Variants in TESPA1 observed in about 807,000 individuals in gnomAD.
The protein encoded by TESPA1 is thymocyte expressed, positive selection associated 1, also known as protein TESPA1.
In TESPA1, 33 loss-of-function variants were observed where a neutral mutation model predicts 57.9. The observed-to-expected ratio is 0.57, with a 90% CI of 0.43 to 0.76. TESPA1 has a LOEUF of 0.76. Among genes scored for constraint, TESPA1 ranks in the 30% least tolerant of loss-of-function variants. TESPA1 has a pLI of 0.00. For synonymous variants in TESPA1, 227 were observed against 228.9 expected (o/e 0.99, Z 0.07); for missense variants, 618 against 632.9 (o/e 0.98, Z 0.25).
intron 3 of TESPA1, 148 bp from the exon 4 acceptor site, chr12:54,968,040 G>C: frequency 2.0e-6 from 3 of 1,524,322 alleles, no homozygotes; most frequent in Non-Finnish European, 2.6e-6. Context: ...AACAAAGACA[G>C]AGTGGTTACT....
intron 10 of TESPA1, among the ~76,000 whole-genome samples, chr12:54,955,972 T>C (rs1401868919): frequency 6.6e-6 from 1 of 152,126 alleles, no homozygotes; most frequent in East Asian, 1.9e-4. Context: ...GTGTCCAGTA[T>C]CATCATCTAT....
At position 54,949,785 on chromosome 12, in the gene TESPA1, T is replaced by A. The variant is rs1950272785; in HGVS notation, c.*607A>T. On this transcript the variant is annotated 3_prime_UTR_variant, in exon 11 of 11. Coordinates refer to ENST00000449076, the MANE Select transcript of TESPA1 (RefSeq NM_001136030.3). Reference sequence around the variant, plus strand: ...GAAAGAAACTGGATTTAAGGAGGAGTCTCCAAGTTGATTTCTTCAAAGGAG... The same window carrying A: ...GAAAGAAACTGGATTTAAGGAGGAGACTCCAAGTTGATTTCTTCAAAGGAG... The A allele has an allele frequency of 6.6e-6, 1 of 152,254 alleles. No individual in the cohort carries two copies. The highest frequency in any genetic ancestry group is 1.5e-5 in the Non-Finnish European group (1 of 68,010). 9.4% of individuals were successfully genotyped at this position (152,254 alleles called of 1,614,324 possible).
chr12:54,969,021 G>GTGTGTGTGTA lies in TESPA1; in HGVS notation c.207-1130_207-1129insTACACACACA, dbSNP rs370590552. Among the ~76,000 whole-genome samples the GTGTGTGTGTA allele has an allele frequency of 5.5e-3, 462 of 83,660 alleles. 2 individuals are homozygous for GTGTGTGTGTA. Among genetic ancestry groups the GTGTGTGTGTA allele is most frequent in the African/African-American group, 0.02 (431 of 21,960 alleles). 54.9% of individuals were successfully genotyped at this position (83,660 alleles called of 152,430 possible). The stretch of plus-strand genomic sequence containing the variant: ...AATAAGTCACTACATATTTATATAT[G>GTGTGTGTGTA]TATATATATATATATATATATATAT... On this transcript the variant is annotated intron_variant, in intron 3 of 10. Transcript: ENST00000449076.
At chr12:54,960,810 T>A (rs1396996082) in intron 10 of TESPA1, among the ~76,000 whole-genome samples, 2 of 152,190 alleles carry the variant, frequency 1.3e-5, no homozygotes, top group Non-Finnish European at 2.9e-5. Context: ...CAGACTGTGA[T>A]TACCAGACCA....
At chr12:54,951,976 CA>C (rs75304300) in intron 10 of TESPA1, among the ~76,000 whole-genome samples, 31,101 of 151,832 alleles carry the variant, frequency 0.2, 5,413 homozygotes, top group East Asian at 0.84. Context: ...TTCCTTTATC[CA>C]AACTGCCTTA....
In TESPA1 at chr12:54,949,108, T is replaced by A. The variant is rs1453321285; in HGVS notation, c.*1284A>T. 4.6e-5 allele frequency: 7 copies of A among 152,142 alleles called. No homozygotes were observed. Among genetic ancestry groups the A allele is most frequent in the Non-Finnish European group, 1.0e-4 (7 of 68,020 alleles). 9.4% of individuals were successfully genotyped at this position (152,142 alleles called of 1,614,324 possible). On this transcript the variant is annotated 3_prime_UTR_variant, in exon 11 of 11. Transcript: ENST00000449076. ...TGGAGTGGGGGGGCTTTTTCCAAAT[T>A]GTGAAACTATCTTTTATCATGAAAT...
intron 4 of TESPA1, 63 bp downstream of exon 4, chr12:54,967,780 C>T: frequency 6.3e-7 from 1 of 1,589,434 alleles, no homozygotes; most frequent in Non-Finnish European, 8.6e-7. Flanking sequence ...CTCACATACA[C>T]ACACGCACAG....
chr12:54,969,280 A>G (rs1476619823), intron 3 of TESPA1, among the ~76,000 whole-genome samples: 3 of 151,812 alleles, frequency 2.0e-5, no homozygotes, highest in Non-Finnish European at 4.4e-5. Context: ...ATATAATTAC[A>G]TAAAGTATGT....
chr12:54,983,500 G>A (rs1270362921), intron 1 of TESPA1, among the ~76,000 whole-genome samples: 1 of 152,086 alleles, frequency 6.6e-6, no homozygotes, highest in Non-Finnish European at 1.5e-5. Context: ...CACACAAGTT[G>A]AAGGTTCCTA....
chr12:54,969,021 G>GTATATA (rs56901356), intron 3 of TESPA1, among the ~76,000 whole-genome samples: 25 of 83,676 alleles, frequency 3.0e-4, no homozygotes, highest in Non-Finnish European at 4.4e-4. Context: ...ATTTATATAT[G>GTATATA]TATATATATA....
At chr12:54,983,499 T>C (rs1334492883) in intron 1 of TESPA1, among the ~76,000 whole-genome samples, 2 of 152,126 alleles carry the variant, frequency 1.3e-5, no homozygotes. Context: ...ACACACAAGT[T>C]GAAGGTTCCT....
chr12:54,978,113 G>A (rs1304114184), intron 1 of TESPA1, among the ~76,000 whole-genome samples: 2 of 152,004 alleles, frequency 1.3e-5, no homozygotes, highest in Non-Finnish European at 2.9e-5. Context: ...AAAAGCGAGT[G>A]CACACAGATG....
chr12:54,982,430 C>T (rs1370237683), intron 1 of TESPA1, among the ~76,000 whole-genome samples: 4 of 152,230 alleles, frequency 2.6e-5, no homozygotes, highest in African/African-American at 9.6e-5. Flanking sequence ...CTTTCTCCCA[C>T]AAATAAGCGT....
chr12:54,962,541 T>C lies in TESPA1; in HGVS notation c.1357A>G (p.Lys453Glu). 6.2e-7 allele frequency: 1 copy of C among 1,613,886 alleles called. No individual in the cohort carries two copies. Among genetic ancestry groups the C allele is most frequent in the Non-Finnish European group, 8.5e-7 (1 of 1,179,896 alleles). ...TGGGTGATGGACAGGTCCAAGGACT[T>C]AACCTTCCTGCCCATGAGATTCTTC... ...FQKNLMGRKV[K>E]SLDLSITQQK... The change falls in exon 9 of 11, where the codon AAG becomes GAG. Residue 453 changes from lysine to glutamate, a missense_variant. Coordinates refer to ENST00000449076, the MANE Select transcript of TESPA1 (RefSeq NM_001136030.3).
chr12:54,976,369 AC>A (rs1952136555), intron 1 of TESPA1, among the ~76,000 whole-genome samples: 1 of 152,184 alleles, frequency 6.6e-6, no homozygotes, highest in Admixed American at 6.5e-5. Context: ...GAAGAAAATC[AC>A]AAAGGCCGAC....
At chr12:54,958,502 G>GTTTTT (rs1259575369) in intron 10 of TESPA1, among the ~76,000 whole-genome samples, 9 of 138,504 alleles carry the variant, frequency 6.5e-5, no homozygotes, top group African/African-American at 2.3e-4. Context: ...TTTTTTGTGC[G>GTTTTT]TGTGTTTATT....
chr12:54,967,315 G>T lies in TESPA1; in HGVS notation c.257-79C>A. ...TGCACATGCACACCCCTGCATACAC[G>T]AACATCTTCACATGCCCTTAGACTA... On this transcript the variant is annotated intron_variant, in intron 4 of 10. Coordinates refer to ENST00000449076, the MANE Select transcript of TESPA1 (RefSeq NM_001136030.3). 4 of 1,482,554 alleles carry T rather than the reference G, an allele frequency of 2.7e-6. No homozygotes were observed. The Admixed American group carries it at 7.6e-5, about 28-fold the overall frequency. The allele number at this position is 1,482,554 out of a possible 1,614,324, so 91.8% of individuals were successfully genotyped here.
chr12:54,973,671 T>A (rs1489392461), intron 2 of TESPA1, 152 bp from the exon 3 acceptor site: 23 of 1,444,622 alleles, frequency 1.6e-5, no homozygotes, highest in African/African-American at 2.9e-5. Flanking sequence ...ATGAGAGGAA[T>A]ACACCGTATA....
At position 54,949,423 on chromosome 12, in the gene TESPA1, C is replaced by T. The variant is rs1231026692; in HGVS notation, c.*969G>A. Reference sequence around the variant, plus strand: ...TTTGTCTCACAATTTATTAGGCAGCCAAATAATATACTTCTGGAAATGCGT... The same window carrying T: ...TTTGTCTCACAATTTATTAGGCAGCTAAATAATATACTTCTGGAAATGCGT... On this transcript the variant is annotated 3_prime_UTR_variant, in exon 11 of 11. Transcript: ENST00000449076. 3 of 149,890 alleles carry T rather than the reference C, an allele frequency of 2.0e-5. No individual in the cohort carries two copies. The highest frequency in any genetic ancestry group is 4.4e-5 in the Non-Finnish European group (3 of 67,750). 9.3% of individuals were successfully genotyped at this position (149,890 alleles called of 1,614,324 possible). A position where few individuals can be genotyped will look rare whatever the true frequency, so the allele number is the denominator to read the frequency against.
Sources: gnomAD v4.1 joint callset for allele counts (sites outside exome capture counted in the v4.1 genomes callset) on GRCh38, gnomAD v4.1.1 for gene constraint, MANE v1.5 for transcripts, NCBI Gene and HGNC (gene_info 2026-07-23, HGNC 2026-07-21) for gene names.